LRRTM4: variants seen among roughly 807,000 people sequenced by gnomAD.
LRRTM4 encodes leucine-rich repeat transmembrane neuronal protein 4.
A neutral mutation model predicts 47.6 loss-of-function variants in LRRTM4; 25 were observed. That is an observed-to-expected ratio of 0.53 (90% CI 0.38 to 0.73). LRRTM4 has a LOEUF of 0.73. Ranked by LOEUF, LRRTM4 falls within the 30% of genes least tolerant of loss-of-function variation. LRRTM4 has a pLI of 0.00. For missense variants in LRRTM4, 638 were observed against 713.4 expected (o/e 0.89, Z 1.20); for synonymous variants, 311 against 269.5 (o/e 1.15, Z -1.51).
At chr2:76,860,045 C>G (rs1672266005) in intron 3 of LRRTM4, among the ~76,000 whole-genome samples, 1 of 152,082 alleles carries the variant, frequency 6.6e-6, no homozygotes, top group Non-Finnish European at 1.5e-5. Flanking sequence ...CCACTCAATA[C>G]AGAAAGGCCT....
At chr2:77,298,041 A>AAG (rs1677021261) in intron 3 of LRRTM4, among the ~76,000 whole-genome samples, 2 of 152,290 alleles carry the variant, frequency 1.3e-5, no homozygotes, top group South Asian at 2.1e-4. Flanking sequence ...AAGAAACTAA[A>AAG]AGAGAGAGAG....
At chr2:77,119,748 C>T (rs1671478186) in intron 3 of LRRTM4, among the ~76,000 whole-genome samples, 1 of 151,800 alleles carries the variant, frequency 6.6e-6, no homozygotes, top group African/African-American at 2.4e-5. Context: ...CATAGAATTA[C>T]ATACATATCA....
chr2:76,838,435 T>G (rs1442916352), intron 3 of LRRTM4, among the ~76,000 whole-genome samples: 1 of 152,116 alleles, frequency 6.6e-6, no homozygotes, highest in Non-Finnish European at 1.5e-5. Context: ...ACAAATAATG[T>G]AAATAATGCA....
intron 3 of LRRTM4, among the ~76,000 whole-genome samples, chr2:77,076,179 A>G (rs1354810580): frequency 6.6e-6 from 1 of 152,134 alleles, no homozygotes; most frequent in Non-Finnish European, 1.5e-5. Context: ...CATCTAACAT[A>G]AATGGCTTGT....
intron 3 of LRRTM4, among the ~76,000 whole-genome samples, chr2:77,445,623 C>T (rs2103939760): frequency 6.6e-6 from 1 of 152,166 alleles, no homozygotes; most frequent in South Asian, 2.1e-4. Context: ...ATAAGCTTAA[C>T]ATGCTCAGGA....
At chr2:77,166,853 C>A (rs565597476) in intron 3 of LRRTM4, among the ~76,000 whole-genome samples, 1 of 152,218 alleles carries the variant, frequency 6.6e-6, no homozygotes, top group Admixed American at 6.5e-5. Flanking sequence ...CATAAAAACC[C>A]TAGAAGAAAA....
intron 3 of LRRTM4, among the ~76,000 whole-genome samples, chr2:77,024,537 C>T (rs1019222328): frequency 2.1e-5 from 3 of 144,604 alleles, no homozygotes; most frequent in African/African-American, 7.6e-5. Context: ...AAGAAAAAAA[C>T]AACAGAGAGG....
Position 76,748,686 on chromosome 2 carries a change from G to A in LRRTM4, c.*9C>T, listed in dbSNP as rs773769880. The A allele has an allele frequency of 6.2e-7, 1 of 1,607,720 alleles. No homozygotes were observed. The highest frequency in any genetic ancestry group is 8.5e-7 in the Non-Finnish European group (1 of 1,177,308). ...CATGGAGCTCCCCAGTGAGGAGTTG[G>A]CTTCAGCGTTAGTTTGCAATTCTCT... On this transcript the variant is annotated 3_prime_UTR_variant, in exon 4 of 4. Transcript: ENST00000409884.
At chr2:77,113,695 G>A (rs1336934326) in intron 3 of LRRTM4, among the ~76,000 whole-genome samples, 1 of 152,082 alleles carries the variant, frequency 6.6e-6, no homozygotes, top group Non-Finnish European at 1.5e-5. Context: ...GTATCCATGT[G>A]TGAAGAAGGG....
intron 3 of LRRTM4, among the ~76,000 whole-genome samples, chr2:77,164,397 T>A (rs903333366): frequency 6.6e-6 from 1 of 152,114 alleles, no homozygotes; most frequent in Non-Finnish European, 1.5e-5. Flanking sequence ...ATTAGACAGA[T>A]CAACAGACAG....
intron 3 of LRRTM4, among the ~76,000 whole-genome samples, chr2:77,132,065 T>C (rs1323283454): frequency 6.6e-6 from 1 of 152,192 alleles, no homozygotes; most frequent in Non-Finnish European, 1.5e-5. Flanking sequence ...ATTATAGTCA[T>C]CTTGCTCTGC....
intron 3 of LRRTM4, among the ~76,000 whole-genome samples, chr2:77,159,110 A>G (rs1437205762): frequency 6.6e-6 from 1 of 152,118 alleles, no homozygotes; most frequent in African/African-American, 2.4e-5. Context: ...CTTTGCAGAT[A>G]TTTTCTTGTG....
chr2:76,825,107 A>G (rs1271695940), intron 3 of LRRTM4, among the ~76,000 whole-genome samples: 1 of 151,658 alleles, frequency 6.6e-6, no homozygotes, highest in African/African-American at 2.4e-5. Context: ...CTCTAGTAAG[A>G]TAGATAAGGG....
chr2:77,073,118 C>T (rs566941528), intron 3 of LRRTM4, among the ~76,000 whole-genome samples: 1 of 151,994 alleles, frequency 6.6e-6, no homozygotes, highest in Admixed American at 6.6e-5. Flanking sequence ...GTGATTCATA[C>T]ACCTGCTATG....
chr2:77,515,945 A>G lies in LRRTM4; in HGVS notation c.1551+2373T>C, dbSNP rs545036686. Among the ~76,000 whole-genome samples the G allele has an allele frequency of 2.3e-4, 35 of 151,990 alleles. 2 individuals carry two copies. The highest frequency in any genetic ancestry group is 7.9e-4 in the African/African-American group (33 of 41,540). Reference sequence around the variant, plus strand: ...CTGTAATACAGCAAACATTCTGTCAAAAAATGGGGTGACCCCTGCAATGTT... The same window carrying G: ...CTGTAATACAGCAAACATTCTGTCAGAAAATGGGGTGACCCCTGCAATGTT... On this transcript the variant is annotated intron_variant, in intron 3 of 3. Transcript: ENST00000409884.
Position 76,900,107 on chromosome 2 carries a change from C to T in LRRTM4, c.1552-151191G>A, listed in dbSNP as rs538799574. ...AGTCAGGCATGATGGATGGCTCATG[C>T]CTCTAGTCCCAGCTGCTTGGGAGGC... On this transcript the variant is annotated intron_variant, in intron 3 of 3. Transcript: ENST00000409884. Among the ~76,000 whole-genome samples the T allele has an allele frequency of 7.2e-5, 11 of 152,100 alleles. No individual in the cohort carries two copies. In the South Asian group the frequency reaches 2.3e-3, roughly 32 times the overall value.
intron 3 of LRRTM4, among the ~76,000 whole-genome samples, chr2:77,240,809 T>C (rs539334216): frequency 6.6e-6 from 1 of 152,074 alleles, no homozygotes; most frequent in Non-Finnish European, 1.5e-5. Flanking sequence ...CCATTTAACA[T>C]AGCAATAAAA....
At chr2:77,147,643 A>G (rs1474872820) in intron 3 of LRRTM4, among the ~76,000 whole-genome samples, 1 of 152,218 alleles carries the variant, frequency 6.6e-6, no homozygotes, top group Non-Finnish European at 1.5e-5. Context: ...ATACTGCTGC[A>G]AACATTATTA....
chr2:76,860,097 G>A (rs571586463), intron 3 of LRRTM4, among the ~76,000 whole-genome samples: 1 of 152,176 alleles, frequency 6.6e-6, no homozygotes, highest in Admixed American at 6.5e-5. Flanking sequence ...AACACACACA[G>A]AAAATAGGAG....
Sources: allele counts gnomAD v4.1 joint callset (sites outside exome capture counted in the v4.1 genomes callset), GRCh38; gene constraint gnomAD v4.1.1; transcripts MANE v1.5; gene names NCBI Gene and HGNC (gene_info 2026-07-23, HGNC 2026-07-21).